Variants in RPH3AL observed in about 807,000 individuals in gnomAD.
The protein encoded by RPH3AL is rabphilin 3A like (without C2 domains).
RPH3AL carries 38 observed loss-of-function variants against 43.1 expected under a neutral mutation model. The ratio of observed to expected loss-of-function variants is 0.88; its 90% CI spans 0.68 to 1.15. The LOEUF is 1.15. Ranked by LOEUF, RPH3AL falls within the 50% of genes most tolerant of loss-of-function variation. RPH3AL has a pLI of 0.00. For missense variants in RPH3AL, 462 were observed against 423.2 expected (o/e 1.09, Z -0.81); for synonymous variants, 189 against 176.3 (o/e 1.07, Z -0.57).
chr17:333,370 C>T lies in RPH3AL; in HGVS notation c.-37+389G>A. ...CAGCCACCCCCATGGCGACTCTTAA[C>T]ACCTTAATGTAGCACCTTCCAACTT... is the stretch of plus-strand genomic sequence containing the variant. On this transcript the variant is annotated intron_variant, in intron 2 of 9. Transcript: ENST00000331302. This position sits in a 1 kb window ranked among gnomAD's most constrained non-coding sequence, Gnocchi z 4.5. 1.8e-6 allele frequency: 2 copies of T among 1,119,294 alleles called. No homozygotes were observed. The highest frequency in any genetic ancestry group is 2.4e-6 in the Non-Finnish European group (2 of 839,464). The allele number at this position is 1,119,294 out of a possible 1,614,324, so 69.3% of individuals were successfully genotyped here. A position where few individuals can be genotyped will look rare whatever the true frequency, so the allele number is the denominator to read the frequency against.
chr17:253,215 G>T (rs1245154521), intron 6 of RPH3AL, among the ~76,000 whole-genome samples: 3 of 152,186 alleles, frequency 2.0e-5, no homozygotes, highest in Non-Finnish European at 2.9e-5. Flanking sequence ...CCTAGGACAG[G>T]CCTTGGGGGC....
rs184620812 is a variant in RPH3AL at position 280,245 on chromosome 17, T to C, written c.438+1523A>G. Among the ~76,000 whole-genome samples the C allele has an allele frequency of 1.0e-3, 159 of 152,204 alleles. 1 individual carries two copies. The highest frequency in any genetic ancestry group is 3.5e-3 in the African/African-American group (147 of 41,524). ...AGGGTTCAGGGACTAAAAGTGACCC[T>C]TGGGAGGTGGGGGACCAGAGCAGAG... On this transcript the variant is annotated intron_variant, in intron 6 of 9. Transcript: ENST00000331302.
chr17:298,220 T>C (rs1248254260), intron 5 of RPH3AL, among the ~76,000 whole-genome samples: 1 of 152,168 alleles, frequency 6.6e-6, no homozygotes, highest in African/African-American at 2.4e-5. Flanking sequence ...CCTCCAGCTC[T>C]GCCCCCACCA....
intron 5 of RPH3AL, among the ~76,000 whole-genome samples, chr17:284,285 T>A (rs2042852298): frequency 6.6e-6 from 1 of 152,152 alleles, no homozygotes; most frequent in Admixed American, 6.5e-5. Flanking sequence ...CAGAGATGAC[T>A]CGGGCTGCCC....
intron 7 of RPH3AL, among the ~76,000 whole-genome samples, chr17:243,387 TA>T (rs2041633946): frequency 7.1e-6 from 1 of 141,254 alleles, no homozygotes; most frequent in South Asian, 2.4e-4. Flanking sequence ...CTCTATTGAT[TA>T]CCTTCCTCTA....
chr17:272,186 G>A (rs974213626), intron 6 of RPH3AL, among the ~76,000 whole-genome samples: 3 of 152,174 alleles, frequency 2.0e-5, no homozygotes, highest in Non-Finnish European at 4.4e-5. Flanking sequence ...CCATTGTGGA[G>A]GACAGTGTGG....
intron 5 of RPH3AL, among the ~76,000 whole-genome samples, chr17:318,140 T>C (rs1426332509): frequency 6.6e-6 from 1 of 152,078 alleles, no homozygotes; most frequent in Non-Finnish European, 1.5e-5. Context: ...CCCAGCAGTT[T>C]GGGAGGCCGA....
chr17:333,912 G>A lies in RPH3AL; in HGVS notation c.-190C>T, dbSNP rs1477274338. 1 of 152,628 alleles carries A rather than the reference G, an allele frequency of 6.6e-6. No homozygotes were observed. Among genetic ancestry groups the A allele is most frequent in the African/African-American group, 2.4e-5 (1 of 41,414 alleles). 9.5% of individuals were successfully genotyped at this position (152,628 alleles called of 1,614,324 possible). ...TAATCTGCGGATCTCCAATTAGATG[G>A]TTTCAATAAGGCAGACGATCCTCTA... On this transcript the variant is annotated 5_prime_UTR_variant, in exon 2 of 10. Coordinates refer to ENST00000331302, the MANE Select transcript of RPH3AL (RefSeq NM_006987.4). The surrounding 1 kb of genome is among the most constrained non-coding windows in gnomAD (Gnocchi z 4.5).
chr17:332,037 G>T (rs373377057), intron 2 of RPH3AL: 30 of 425,076 alleles, frequency 7.1e-5, no homozygotes, highest in South Asian at 3.5e-4. Context: ...GTGGAGCTCT[G>T]GGGGGAGCAG....
rs76970148 is a variant in RPH3AL at position 298,376 on chromosome 17, G to A, written c.352-16522C>T. 2.5e-3 allele frequency among the ~76,000 whole-genome samples: 380 copies of A among 152,150 alleles called. 5 individuals are homozygous for A. In the East Asian group the frequency reaches 0.042, roughly 17 times the overall value. ...AATACCCTCTCCCTTCCCTGTGTTC[G>A]TTCCCATGCCTGGGATACAGTCAAC... On this transcript the variant is annotated intron_variant, in intron 5 of 9. Coordinates refer to ENST00000331302, the MANE Select transcript of RPH3AL (RefSeq NM_006987.4).
chr17:213,507 G>A lies in RPH3AL; in HGVS notation c.*345C>T. ...TATAGCAACGGAGATAGCCCCACCGGGCGGCCCCTCTGACACTGCATGTGG... is the reference window on the plus strand; with the variant it reads ...TATAGCAACGGAGATAGCCCCACCGAGCGGCCCCTCTGACACTGCATGTGG... On this transcript the variant is annotated 3_prime_UTR_variant, in exon 10 of 10. Coordinates refer to ENST00000331302, the MANE Select transcript of RPH3AL (RefSeq NM_006987.4). The A allele has an allele frequency of 2.4e-6, 1 of 408,420 alleles. No individual in the cohort carries two copies. Among genetic ancestry groups the A allele is most frequent in the South Asian group, 2.5e-5 (1 of 40,696 alleles). 25.3% of individuals were successfully genotyped at this position (408,420 alleles called of 1,614,324 possible).
intron 7 of RPH3AL, among the ~76,000 whole-genome samples, chr17:228,575 A>T (rs8069524): frequency 0.85 from 128,955 of 152,070 alleles, 54,922 homozygotes; most frequent in Non-Finnish European, 0.88. Flanking sequence ...AGGTGGACTC[A>T]CCCCTTTCGA....
chr17:229,103 AT>A (rs1270119919), intron 7 of RPH3AL, among the ~76,000 whole-genome samples: 1 of 152,196 alleles, frequency 6.6e-6, no homozygotes, highest in East Asian at 1.9e-4. Context: ...CCAGGAACCC[AT>A]TCAAATCATT....
Position 274,798 on chromosome 17 carries a change from T to C in RPH3AL, c.438+6970A>G, listed in dbSNP as rs2042614486. Among the ~76,000 whole-genome samples, 1 of 152,174 alleles carries C rather than the reference T, an allele frequency of 6.6e-6. No individual in the cohort carries two copies. On this transcript the variant is annotated intron_variant, in intron 6 of 9. Coordinates refer to ENST00000331302, the MANE Select transcript of RPH3AL (RefSeq NM_006987.4). This position sits in a 1 kb window ranked among gnomAD's most constrained non-coding sequence, Gnocchi z 4.7. Reference sequence around the variant, plus strand: ...GGGAGGGGAAAACCTCCAAAGTGTTTAGTGCAGGTGAATGTGGCATGCTAG... The same window carrying C: ...GGGAGGGGAAAACCTCCAAAGTGTTCAGTGCAGGTGAATGTGGCATGCTAG...
At chr17:252,039 C>T (rs189346071) in intron 6 of RPH3AL, among the ~76,000 whole-genome samples, 43 of 151,020 alleles carry the variant, frequency 2.8e-4, no homozygotes, top group African/African-American at 9.7e-4. Flanking sequence ...GTGGAGCAAT[C>T]GGCTCACTGC....
chr17:314,378 T>A (rs1401745511), intron 5 of RPH3AL, among the ~76,000 whole-genome samples: 1 of 145,592 alleles, frequency 6.9e-6, no homozygotes, highest in South Asian at 2.1e-4. Flanking sequence ...GCCCGAGTCC[T>A]GCAAGTTGGC....
chr17:271,417 G>T (rs1349624775), intron 6 of RPH3AL, among the ~76,000 whole-genome samples: 1 of 152,186 alleles, frequency 6.6e-6, no homozygotes, highest in Non-Finnish European at 1.5e-5. Context: ...AGCATGGAAT[G>T]TTCTTCCATT....
At chr17:292,545 T>C (rs978257593) in intron 5 of RPH3AL, among the ~76,000 whole-genome samples, 1 of 152,164 alleles carries the variant, frequency 6.6e-6, no homozygotes, top group African/African-American at 2.4e-5. Flanking sequence ...GTTAAGCAGC[T>C]CGACGTGGGG....
At position 314,994 on chromosome 17, in the gene RPH3AL, T is replaced by A. The variant is rs866649657; in HGVS notation, c.351+4426A>T. 3.8e-5 allele frequency among the ~76,000 whole-genome samples: 4 copies of A among 106,184 alleles called. 1 individual carries two copies. Among genetic ancestry groups the A allele is most frequent in the South Asian group, 6.2e-4 (2 of 3,212 alleles). The allele number at this position is 106,184 out of a possible 152,430, so 69.7% of individuals were successfully genotyped here. ...CAGTAGTCCCTGTGCCCCACCTCCA[T>A]TGACCTGTAGTCTCTGTGCTCCACC... On this transcript the variant is annotated intron_variant, in intron 5 of 9. Transcript: ENST00000331302.
Sources: allele counts gnomAD v4.1 joint callset (sites outside exome capture counted in the v4.1 genomes callset), GRCh38; gene constraint gnomAD v4.1.1; non-coding constraint Gnocchi (gnomAD v3.1); transcripts MANE v1.5; gene names NCBI Gene and HGNC (gene_info 2026-07-23, HGNC 2026-07-21).